Variants in ZNF846 observed in about 807,000 individuals in gnomAD.
ZNF846 encodes zinc finger protein 846.
ZNF846 carries 15 observed loss-of-function variants against 16.0 expected under a neutral mutation model. That is an observed-to-expected ratio of 0.94 (90% CI 0.63 to 1.45). ZNF846 has a LOEUF of 1.45. Among genes scored for constraint, ZNF846 ranks in the 40% most tolerant of loss-of-function variants. ZNF846 has a pLI of 0.00. For synonymous variants in ZNF846, 229 were observed against 212.0 expected, an observed-to-expected ratio of 1.08 and a Z score of -0.70; for missense variants, 714 against 622.3, an observed-to-expected ratio of 1.15 and a Z score of -1.57.
exon 6 of ZNF846, chr19:9,758,294 T>G: frequency 6.2e-7 from 1 of 1,613,526 alleles, no homozygotes; most frequent in Non-Finnish European, 8.5e-7. Context: ...GAGTGAAAGC[T>G]TTACCACATT....
intron 1 of ZNF846, chr19:9,774,799 C>T (rs546147521): frequency 7.5e-6 from 12 of 1,599,664 alleles, no homozygotes; most frequent in Admixed American, 1.8e-5. Flanking sequence ...CAACCAAAAC[C>T]GACCAAGTAA....
chr19:9,759,807 A>C, intron 5 of ZNF846, 53 bp downstream of exon 5: 2 of 1,366,978 alleles, frequency 1.5e-6, no homozygotes, highest in Non-Finnish European at 2.0e-6. Context: ...AATTTTCATG[A>C]ATATTGTGCT....
chr19:9,749,905 C>T (rs142745852), downstream of ZNF846, among the ~76,000 whole-genome samples: 33 of 152,214 alleles, frequency 2.2e-4, no homozygotes, highest in African/African-American at 5.8e-4. Context: ...CACACTTCTC[C>T]GCATCTACTT....
intron 1 of ZNF846, among the ~76,000 whole-genome samples, chr19:9,782,532 G>T (rs1396718153): frequency 1.3e-5 from 2 of 152,074 alleles, no homozygotes; most frequent in Non-Finnish European, 2.9e-5. Context: ...CAAAGCACTG[G>T]GATTGCAGGC....
At chr19:9,762,419 C>T (rs969145037) in intron 3 of ZNF846, 9 of 352,518 alleles carry the variant, frequency 2.6e-5, no homozygotes, top group Admixed American at 1.8e-4. Flanking sequence ...AGGGAGATCA[C>T]TTGAGGTTAG....
chr19:9,762,216 C>A (rs1386700783), intron 3 of ZNF846, 48 bp from the exon 4 acceptor site: 1 of 1,435,998 alleles, frequency 7.0e-7, no homozygotes, highest in Middle Eastern at 1.8e-4. Flanking sequence ...AGACATAACA[C>A]CATGTCCTTC....
In ZNF846 at chr19:9,757,797, C is replaced by T. The variant is rs374451966; in HGVS notation, c.1280G>A (p.Cys427Tyr). Reference sequence around the variant, plus strand: ...CGAGGATTGAGTGAAAGCTTTCCCACATTCTTTGCATTCATATGGCTTCTC... The same window carrying T: ...CGAGGATTGAGTGAAAGCTTTCCCATATTCTTTGCATTCATATGGCTTCTC... The change falls in exon 6 of 6, where the codon TGT becomes TAT. Residue 427 changes from cysteine (C) to tyrosine (Y), a missense_variant. Coordinates refer to ENST00000397902, the Ensembl canonical transcript of ZNF846. The T allele has an allele frequency of 1.7e-5, 27 of 1,613,550 alleles. 1 individual carries two copies. The African/African-American group carries it at 3.4e-4, about 20-fold the overall frequency.
At chr19:9,782,194 C>G (rs1258735980) in intron 1 of ZNF846, among the ~76,000 whole-genome samples, 2 of 152,202 alleles carry the variant, frequency 1.3e-5, no homozygotes, top group Non-Finnish European at 2.9e-5. Context: ...AGGAATGGCA[C>G]TAGCCCTTGT....
At chr19:9,762,468 T>C (rs2045246629) in intron 3 of ZNF846, 1 of 246,026 alleles carries the variant, frequency 4.1e-6, no homozygotes, top group Non-Finnish European at 7.9e-6. Context: ...TGAAACTTCC[T>C]CTCTACTAAA....
intron 3 of ZNF846, among the ~76,000 whole-genome samples, chr19:9,763,074 G>T (rs1028216613): frequency 7.9e-5 from 12 of 152,024 alleles, no homozygotes; most frequent in Non-Finnish European, 1.2e-4. Flanking sequence ...AATCCAGGAG[G>T]GGGGGCTTTG....
At chr19:9,751,473 G>A (rs143621306), downstream of ZNF846, among the ~76,000 whole-genome samples, 338 of 152,106 alleles carry the variant, frequency 2.2e-3, 1 homozygote, top group African/African-American at 7.6e-3. Flanking sequence ...TGACATCCCC[G>A]GCCCTTGTGA....
chr19:9,785,313 T>C (rs1037120039), intron 1 of ZNF846, among the ~76,000 whole-genome samples: 11 of 150,392 alleles, frequency 7.3e-5, no homozygotes, highest in Admixed American at 6.1e-4. Flanking sequence ...TTCTCCTGCC[T>C]CAGCCTCCCC....
chr19:9,758,423 T>C, exon 6 of ZNF846: 1 of 1,612,988 alleles, frequency 6.2e-7, no homozygotes, highest in East Asian at 2.2e-5. Flanking sequence ...CATTGTGAGA[T>C]CTTATATGTA....
downstream of ZNF846, among the ~76,000 whole-genome samples, chr19:9,753,016 C>T (rs1386803574): frequency 6.6e-5 from 10 of 151,098 alleles, no homozygotes; most frequent in Admixed American, 5.9e-4. Flanking sequence ...GATGAGGGCC[C>T]TTTTCCTGGT....
At chr19:9,758,599 A>G (rs765631409) in exon 6 of ZNF846, 1 of 1,612,898 alleles carries the variant, frequency 6.2e-7, no homozygotes, top group Non-Finnish European at 8.5e-7. Flanking sequence ...CTTTTCTTGT[A>G]AAAACTATGA....
chr19:9,761,202 C>T (rs1039213825), intron 4 of ZNF846, among the ~76,000 whole-genome samples: 2 of 81,692 alleles, frequency 2.4e-5, no homozygotes, highest in Non-Finnish European at 4.6e-5. Context: ...GACTCTGTCT[C>T]AAACAAACAA....
At chr19:9,769,189 A>G (rs887594946), upstream of ZNF846, among the ~76,000 whole-genome samples, 5 of 152,006 alleles carry the variant, frequency 3.3e-5, no homozygotes, top group African/African-American at 1.2e-4. Flanking sequence ...CGCTGAAGCT[A>G]TCCTCCCGCC....
chr19:9,759,009 A>G (rs887944889), intron 5 of ZNF846, among the ~76,000 whole-genome samples: 1 of 151,534 alleles, frequency 6.6e-6, no homozygotes, highest in Non-Finnish European at 1.5e-5. Context: ...TTATTTATTT[A>G]TTTATTTAAG....
At chr19:9,766,851 G>C (rs138306050) in intron 1 of ZNF846, among the ~76,000 whole-genome samples, 4,961 of 141,574 alleles carry the variant, frequency 0.035, 126 homozygotes, top group South Asian at 0.1. Context: ...AGTGAGCCGA[G>C]ATCATGCCAC....
Sources: gnomAD v4.1 joint callset for allele counts (sites outside exome capture counted in the v4.1 genomes callset) on GRCh38, gnomAD v4.1.1 for gene constraint, MANE v1.5 for transcripts, NCBI Gene and HGNC (gene_info 2026-07-23, HGNC 2026-07-21) for gene names.